BLTP1: variants seen among roughly 807,000 people sequenced by gnomAD.
BLTP1 encodes fragile site-associated protein.
the BLTP1 span, chr4:122,254,782 A>G: frequency 6.7e-7 from 1 of 1,487,186 alleles, no homozygotes; most frequent in Non-Finnish European, 9.0e-7. Flanking sequence ...TTGTTTTTAT[A>G]ATTTTTTATT....
chr4:122,301,250 AT>A, the BLTP1 span: 25 of 1,472,122 alleles, frequency 1.7e-5, no homozygotes, highest in Middle Eastern at 1.8e-4. Flanking sequence ...CAAAATAGTT[AT>A]TTTTTTTCTT....
At chr4:122,167,341 C>G in the BLTP1 span, among the ~76,000 whole-genome samples, 1 of 152,088 alleles carries the variant, frequency 6.6e-6, no homozygotes, top group African/African-American at 2.4e-5. Flanking sequence ...ATTCATCTCC[C>G]AGGTGTGTCC....
the BLTP1 span, chr4:122,169,817 C>G: frequency 1.0e-6 from 1 of 985,178 alleles, no homozygotes; most frequent in Non-Finnish European, 1.2e-6. Flanking sequence ...CTTTACTGTT[C>G]AGACTACCTA....
the BLTP1 span, among the ~76,000 whole-genome samples, chr4:122,316,037 T>G: frequency 5.9e-5 from 9 of 152,160 alleles, no homozygotes; most frequent in African/African-American, 1.4e-4. Flanking sequence ...GTTGTACAAC[T>G]TTGTGAATAT....
the BLTP1 span, chr4:122,210,743 A>G: frequency 1.6e-5 from 16 of 1,027,006 alleles, no homozygotes; most frequent in South Asian, 3.3e-4. Flanking sequence ...GTCTGTTTTC[A>G]TTATATATAC....
At chr4:122,187,794 C>T in the BLTP1 span, 7 of 1,268,906 alleles carry the variant, frequency 5.5e-6, no homozygotes, top group Non-Finnish European at 6.3e-6. Context: ...AATCATTAAG[C>T]TGTTGTTTGA....
chr4:122,183,465 G>A, the BLTP1 span: 1 of 984,650 alleles, frequency 1.0e-6, no homozygotes, highest in Non-Finnish European at 1.2e-6. Context: ...GCTTTAAACT[G>A]TCACTTGCCT....
At chr4:122,348,235 G>A in the BLTP1 span, among the ~76,000 whole-genome samples, 2 of 152,262 alleles carry the variant, frequency 1.3e-5, no homozygotes, top group African/African-American at 2.4e-5. Flanking sequence ...TTTGGCAACA[G>A]CACCTTATGA....
chr4:122,186,758 T>C, the BLTP1 span, among the ~76,000 whole-genome samples: 1 of 152,072 alleles, frequency 6.6e-6, no homozygotes, highest in Non-Finnish European at 1.5e-5. Flanking sequence ...CTTAGACCTA[T>C]ACTATAGCAC....
At chr4:122,212,605 G>C in the BLTP1 span, among the ~76,000 whole-genome samples, 3 of 151,130 alleles carry the variant, frequency 2.0e-5, no homozygotes, top group Non-Finnish European at 4.4e-5. Context: ...TGGAACCTCA[G>C]TTTGTTTTTA....
At chr4:122,309,771 G>GA in the BLTP1 span, among the ~76,000 whole-genome samples, 13 of 151,592 alleles carry the variant, frequency 8.6e-5, no homozygotes, top group East Asian at 5.8e-4. Context: ...TCGGAATCTT[G>GA]AAAAAAAATG....
At chr4:122,334,488 A>T in the BLTP1 span, 1 of 1,612,502 alleles carries the variant, frequency 6.2e-7, no homozygotes, top group Non-Finnish European at 8.5e-7. Context: ...TTTACCTTCC[A>T]CTGTCCAGAG....
the BLTP1 span, chr4:122,356,769 T>A: frequency 6.2e-7 from 1 of 1,603,102 alleles, no homozygotes; most frequent in Non-Finnish European, 8.5e-7. Context: ...GGTGGAATAC[T>A]CTTTTTCTTT....
chr4:122,320,270 T>C, the BLTP1 span, among the ~76,000 whole-genome samples: 1 of 152,014 alleles, frequency 6.6e-6, no homozygotes, highest in Non-Finnish European at 1.5e-5. Context: ...TGCTTCAGCC[T>C]CCCAAGTAGC....
the BLTP1 span, among the ~76,000 whole-genome samples, chr4:122,255,461 A>G: frequency 6.6e-6 from 1 of 152,126 alleles, no homozygotes; most frequent in Non-Finnish European, 1.5e-5. Flanking sequence ...GCTGGCCAAC[A>G]TGGCAAAACT....
chr4:122,229,829 GT>G, the BLTP1 span: 2 of 1,378,676 alleles, frequency 1.5e-6, no homozygotes, highest in Admixed American at 2.9e-5. Flanking sequence ...TTCCATTTAT[GT>G]TTTACTCTAT....
At chr4:122,230,209 G>A in the BLTP1 span, 1 of 1,611,486 alleles carries the variant, frequency 6.2e-7, no homozygotes, top group Non-Finnish European at 8.5e-7. Flanking sequence ...CCAGAACTAA[G>A]AGGTAGGTGA....
chr4:122,152,602 G>A, the BLTP1 span: 2 of 985,674 alleles, frequency 2.0e-6, no homozygotes, highest in Non-Finnish European at 2.4e-6. Context: ...GATGGGCCGG[G>A]CCAGACGGGG....
the BLTP1 span, among the ~76,000 whole-genome samples, chr4:122,216,055 A>G: frequency 5.3e-5 from 8 of 151,320 alleles, no homozygotes; most frequent in Admixed American, 2.0e-4. Context: ...TGGTATATAT[A>G]TGTGTGTGTG....
Sources: allele counts gnomAD v4.1 joint callset (sites outside exome capture counted in the v4.1 genomes callset), GRCh38; gene constraint gnomAD v4.1.1; transcripts MANE v1.5; gene names NCBI Gene and HGNC (gene_info 2026-07-23, HGNC 2026-07-21).